NRXN3: variants seen among roughly 807,000 people sequenced by gnomAD.
NRXN3 encodes the protein neurexin III.
Under a neutral mutation model 137.6 loss-of-function variants are expected in NRXN3, and 32 were observed. That is an observed-to-expected ratio of 0.23 (90% CI 0.18 to 0.31). The LOEUF (loss-of-function observed/expected upper bound fraction) is 0.31. NRXN3 is among the 10% of genes least tolerant of loss of function. The pLI is 1.00. For synonymous variants in NRXN3, 798 were observed against 784.5 expected (o/e 1.02, Z -0.29); for missense variants, 1,574 against 2,062.5 (o/e 0.76, Z 4.59).
At chr14:78,334,162 A>G (rs1400143071) in intron 4 of NRXN3, among the ~76,000 whole-genome samples, 2 of 152,186 alleles carry the variant, frequency 1.3e-5, no homozygotes, top group African/African-American at 4.8e-5. Flanking sequence ...TAGTCATATT[A>G]TATCTGAGAT....
intron 10 of NRXN3, among the ~76,000 whole-genome samples, chr14:78,817,306 A>G (rs547880065): frequency 2.0e-5 from 3 of 152,348 alleles, no homozygotes; most frequent in Admixed American, 6.5e-5. Flanking sequence ...GGGATCTAGC[A>G]CCAAATTAAA....
intron 16 of NRXN3, among the ~76,000 whole-genome samples, chr14:79,543,389 G>T (rs1033406581): frequency 6.6e-6 from 1 of 152,238 alleles, no homozygotes; most frequent in African/African-American, 2.4e-5. Context: ...GAGATGGTCA[G>T]TGAGGCTTCC....
At chr14:78,610,340 T>A (rs564865092) in intron 4 of NRXN3, among the ~76,000 whole-genome samples, 1 of 152,334 alleles carries the variant, frequency 6.6e-6, no homozygotes, top group Admixed American at 6.5e-5. Flanking sequence ...AAAAATAGAT[T>A]TCTGGATTCT....
intron 19 of NRXN3, among the ~76,000 whole-genome samples, chr14:79,699,158 G>A (rs2098745688): frequency 6.6e-6 from 1 of 151,850 alleles, no homozygotes; most frequent in South Asian, 2.1e-4. Context: ...CGTCACACAT[G>A]CTATTACCTG....
chr14:78,616,780 G>T (rs1302398695), intron 4 of NRXN3, among the ~76,000 whole-genome samples: 1 of 152,174 alleles, frequency 6.6e-6, no homozygotes, highest in Non-Finnish European at 1.5e-5. Context: ...CTTTGGTTTT[G>T]TTCTTAAAAC....
At chr14:78,704,643 T>A (rs533887321) in intron 6 of NRXN3, among the ~76,000 whole-genome samples, 8 of 152,194 alleles carry the variant, frequency 5.3e-5, no homozygotes, top group Non-Finnish European at 8.8e-5. Context: ...GAAATTGCCC[T>A]CTCTGGAGCA....
intron 6 of NRXN3, among the ~76,000 whole-genome samples, chr14:78,665,449 G>A (rs1009532933): frequency 6.6e-6 from 1 of 152,100 alleles, no homozygotes; most frequent in Non-Finnish European, 1.5e-5. Flanking sequence ...CATGAGAACA[G>A]CATAAGGGTA....
At chr14:78,906,192 T>A (rs559146087) in intron 10 of NRXN3, among the ~76,000 whole-genome samples, 7 of 152,070 alleles carry the variant, frequency 4.6e-5, no homozygotes, top group African/African-American at 1.4e-4. Context: ...TTATATTATA[T>A]AATTATAATT....
chr14:79,325,761 G>A (rs1024261696), intron 15 of NRXN3, among the ~76,000 whole-genome samples: 1 of 152,150 alleles, frequency 6.6e-6, no homozygotes, highest in Admixed American at 6.5e-5. Context: ...AGCGCTGTAG[G>A]CAACCTGTCA....
intron 8 of NRXN3, among the ~76,000 whole-genome samples, chr14:78,772,785 G>A (rs1349608411): frequency 1.3e-5 from 2 of 152,054 alleles, no homozygotes; most frequent in East Asian, 1.9e-4. Flanking sequence ...AGTTCTGGGT[G>A]GTATCAGAGA....
intron 15 of NRXN3, among the ~76,000 whole-genome samples, chr14:79,218,959 G>A (rs1436447745): frequency 1.3e-5 from 2 of 152,160 alleles, no homozygotes; most frequent in African/African-American, 2.4e-5. Context: ...GCAAGGTCTT[G>A]TAATAGTCCC....
At chr14:79,341,441 C>G (rs540937013) in intron 15 of NRXN3, among the ~76,000 whole-genome samples, 1 of 152,282 alleles carries the variant, frequency 6.6e-6, no homozygotes, top group East Asian at 1.9e-4. Flanking sequence ...GCAGCACCTA[C>G]CAGCTTGTTA....
chr14:78,839,447 G>A (rs539694229), intron 10 of NRXN3, among the ~76,000 whole-genome samples: 27 of 152,258 alleles, frequency 1.8e-4, no homozygotes, highest in Middle Eastern at 3.4e-3. Context: ...CTCTTGATCT[G>A]CCCAAGTACT....
chr14:78,750,596 T>G (rs35629402), intron 8 of NRXN3, among the ~76,000 whole-genome samples: 36,917 of 151,898 alleles, frequency 0.24, 4,747 homozygotes, highest in Middle Eastern at 0.3. Context: ...CAAAGCAGAG[T>G]AATATTTTCA....
intron 19 of NRXN3, among the ~76,000 whole-genome samples, chr14:79,738,198 G>A (rs1048193689): frequency 6.6e-6 from 1 of 152,092 alleles, no homozygotes; most frequent in Non-Finnish European, 1.5e-5. Flanking sequence ...GGGTCTTTGT[G>A]AGTGTGATTA....
chr14:79,427,144 G>A (rs988493281), intron 15 of NRXN3, among the ~76,000 whole-genome samples: 1 of 152,060 alleles, frequency 6.6e-6, no homozygotes, highest in Admixed American at 6.6e-5. Flanking sequence ...TTTAAGAGGC[G>A]TGTTTCAACT....
intron 16 of NRXN3, among the ~76,000 whole-genome samples, chr14:79,591,411 C>T (rs550541344): frequency 9.9e-5 from 15 of 152,228 alleles, no homozygotes; most frequent in Non-Finnish European, 1.6e-4. Flanking sequence ...TTAAAATATC[C>T]GTACAAAGAG....
At chr14:78,459,718 C>CA (rs930857695) in intron 4 of NRXN3, among the ~76,000 whole-genome samples, 4 of 151,916 alleles carry the variant, frequency 2.6e-5, no homozygotes, top group African/African-American at 9.7e-5. Context: ...TGTAAGCATA[C>CA]AAAAAAACAA....
At chr14:79,371,840 T>C (rs1485225246) in intron 15 of NRXN3, among the ~76,000 whole-genome samples, 1 of 152,168 alleles carries the variant, frequency 6.6e-6, no homozygotes, top group Non-Finnish European at 1.5e-5. Context: ...ATTGTAGGTA[T>C]ATGTTAATTC....
Sources: gnomAD v4.1 joint callset for allele counts (sites outside exome capture counted in the v4.1 genomes callset) on GRCh38, gnomAD v4.1.1 for gene constraint, MANE v1.5 for transcripts, NCBI Gene and HGNC (gene_info 2026-07-23, HGNC 2026-07-21) for gene names.